The following ZNF282 variants were observed in gnomAD, a reference collection of about 807,000 sequenced individuals.
ZNF282 encodes the protein HTLV-I U5 repressive element-binding protein 1.
In ZNF282, 30 loss-of-function variants were observed where a neutral mutation model predicts 61.9. That is an observed-to-expected ratio of 0.48 (90% CI 0.36 to 0.66). The LOEUF is 0.66. Among genes scored for constraint, ZNF282 ranks in the 30% least tolerant of loss-of-function variants. The probability of loss-of-function intolerance (pLI) is 0.00; values close to 1 mark genes in which losing one functional copy is unlikely to be tolerated. For synonymous variants in ZNF282, 396 were observed against 405.0 expected (o/e 0.98, Z 0.27); for missense variants, 788 against 941.4 (o/e 0.84, Z 2.13).
intron 2 of ZNF282, among the ~76,000 whole-genome samples, chr7:149,202,781 T>C (rs1563175402): frequency 6.6e-6 from 1 of 152,174 alleles, no homozygotes; most frequent in Admixed American, 6.5e-5. Flanking sequence ...TTTGTATTGC[T>C]TTTTTTGTCT....
intron 7 of ZNF282, among the ~76,000 whole-genome samples, chr7:149,221,587 A>G (rs1426297335): frequency 2.0e-5 from 3 of 152,158 alleles, no homozygotes; most frequent in Non-Finnish European, 4.4e-5. Context: ...AAACACCCTC[A>G]GTGCCGTGGC....
chr7:149,195,617 C>T lies in ZNF282; in HGVS notation c.28C>T (p.Pro10Ser). The change falls in exon 1 of 8, where the codon CCT (proline) becomes TCT (serine). Residue 10 changes from proline to serine, a missense_variant. By Grantham distance (74) the Pro-to-Ser change is moderately conservative. Around this residue, in one of 3 missense-constraint regions of ZNF282, gnomAD observed 137 missense variants for 135.4 expected, o/e 1.01. Transcript: ENST00000610704. MQFVSTRPQ[P>S]QQLGIQGLGL... ...GCAGTTTGTGTCAACACGGCCGCAG[C>T]CTCAGCAGCTGGGCATCCAGGGCCT... is the stretch of plus-strand genomic sequence containing the variant. 2 of 1,611,382 alleles carry T rather than the reference C, an allele frequency of 1.2e-6. No homozygotes were observed. The highest frequency in any genetic ancestry group is 1.7e-6 in the Non-Finnish European group (2 of 1,179,074).
chr7:149,219,109 C>T (rs915984319), intron 7 of ZNF282, among the ~76,000 whole-genome samples: 2 of 152,188 alleles, frequency 1.3e-5, no homozygotes, highest in Non-Finnish European at 2.9e-5. Flanking sequence ...CAGCCCCTTT[C>T]CCTCCCTGGA....
At chr7:149,206,941 C>T in intron 3 of ZNF282, 119 bp downstream of exon 3, 1 of 1,379,472 alleles carries the variant, frequency 7.2e-7, no homozygotes, top group South Asian at 1.4e-5. Context: ...AATGGAAACT[C>T]AGGAAACCAT....
intron 2 of ZNF282, among the ~76,000 whole-genome samples, chr7:149,204,457 G>A (rs1220360787): frequency 6.6e-6 from 1 of 152,112 alleles, no homozygotes; most frequent in Non-Finnish European, 1.5e-5. Flanking sequence ...AGCGTGTTGA[G>A]GGAAGGTTTT....
intron 7 of ZNF282, among the ~76,000 whole-genome samples, chr7:149,217,853 A>G (rs1013081346): frequency 1.3e-5 from 2 of 152,142 alleles, no homozygotes; most frequent in African/African-American, 4.8e-5. Context: ...AGGCAGGGCC[A>G]TGGAGGCTTT....
At position 149,224,592 on chromosome 7, in the gene ZNF282, G is replaced by A. The variant is rs1382101961; in HGVS notation, c.1961G>A (p.Gly654Asp). The A allele has an allele frequency of 6.3e-7, 1 of 1,575,920 alleles. No individual in the cohort carries two copies. The highest frequency in any genetic ancestry group is 8.6e-7 in the Non-Finnish European group (1 of 1,165,430). Residue 654 changes from glycine (G) to aspartate (D), a missense_variant, in exon 8 of 8, where the codon GGC (glycine) becomes GAC (aspartate). Physicochemically the swap from Gly to Asp is moderately conservative, Grantham distance 94. Transcript: ENST00000610704. ...SLKDHLRVHSGGPGPGAPRQL... is the reference protein window; with the variant it reads ...SLKDHLRVHSDGPGPGAPRQL... ...AAGGACCACCTGCGCGTGCACAGCG[G>A]CGGCCCGGGCCCCGGCGCCCCACGG...
chr7:149,224,780 A>G lies in ZNF282; in HGVS notation c.*133A>G. On this transcript the variant is annotated 3_prime_UTR_variant, in exon 8 of 8. Coordinates refer to ENST00000610704, the MANE Select transcript of ZNF282 (RefSeq NM_003575.4). ...ATTGCACTCCGGTTGGGGGTCCCCCAGGGTGGGGCAGGGATCCCCCAGATC... is the reference window on the plus strand; with the variant it reads ...ATTGCACTCCGGTTGGGGGTCCCCCGGGGTGGGGCAGGGATCCCCCAGATC... 1.5e-6 allele frequency: 2 copies of G among 1,369,104 alleles called. No homozygotes were observed. The highest frequency in any genetic ancestry group is 1.9e-6 in the Non-Finnish European group (2 of 1,040,120). The allele number at this position is 1,369,104 out of a possible 1,614,324, so 84.8% of individuals were successfully genotyped here. A position where few individuals can be genotyped will look rare whatever the true frequency, so the allele number is the denominator to read the frequency against.
chr7:149,215,288 C>T (rs754857922), intron 7 of ZNF282, among the ~76,000 whole-genome samples: 12 of 151,370 alleles, frequency 7.9e-5, no homozygotes, highest in Admixed American at 2.0e-4. Context: ...CCACAACCTC[C>T]GCCTTCTGGG....
chr7:149,214,101 G>T lies in ZNF282; in HGVS notation c.1180+287G>T, dbSNP rs554109483. Reference sequence around the variant, plus strand: ...TTGAAAGTCCAAAATCAAGGGGTGGGCTGGGCCTTGCTCCAGACTTCCTCT... The same window carrying T: ...TTGAAAGTCCAAAATCAAGGGGTGGTCTGGGCCTTGCTCCAGACTTCCTCT... On this transcript the variant is annotated intron_variant, in intron 7 of 7. Coordinates refer to ENST00000610704, the MANE Select transcript of ZNF282 (RefSeq NM_003575.4). Among the ~76,000 whole-genome samples, 6 of 152,230 alleles carry T rather than the reference G, an allele frequency of 3.9e-5. No individual in the cohort carries two copies. In the South Asian group the frequency reaches 6.2e-4, roughly 16 times the overall value.
Position 149,221,288 on chromosome 7 carries a change from G to A in ZNF282, c.1181-2524G>A, listed in dbSNP as rs146666578. On this transcript the variant is annotated intron_variant, in intron 7 of 7. Coordinates refer to ENST00000610704, the MANE Select transcript of ZNF282 (RefSeq NM_003575.4). ...GAGTTCTCCAGGCAAGCACAACGGC[G>A]GAGCAAAGGCAATCACCGTGCCCTT... 3.9e-4 allele frequency among the ~76,000 whole-genome samples: 60 copies of A among 152,322 alleles called. No individual in the cohort carries two copies. In the East Asian group the frequency reaches 8.1e-3, roughly 21 times the overall value.
At position 149,198,789 on chromosome 7, in the gene ZNF282, G is replaced by T; in HGVS notation, c.585+37G>T. The T allele has an allele frequency of 6.3e-7, 1 of 1,574,910 alleles. No individual in the cohort carries two copies. Among genetic ancestry groups the T allele is most frequent in the Non-Finnish European group, 8.6e-7 (1 of 1,163,726 alleles). On this transcript the variant is annotated intron_variant, in intron 2 of 7. Coordinates refer to ENST00000610704, the MANE Select transcript of ZNF282 (RefSeq NM_003575.4). The surrounding 1 kb of genome is among the most constrained non-coding windows in gnomAD (Gnocchi z 4.3). ...TCCCTGGGGCAGGGATAGAGGTGAG[G>T]AACAGCACAGGTGCATAAAATTCTT...
In ZNF282 at chr7:149,195,688, G is replaced by T; in HGVS notation, c.99G>T (p.Pro33=). Residue 33 remains proline (P), a synonymous_variant, in exon 1 of 8, where the codon CCG becomes CCT. Transcript: ENST00000610704. ...GGAGCTGGGCCCAGGCTCTGCCCCC[G>T]GAGGAGGTCTGCCACCAGGAGCCGG... ...GSWSWAQALP[P]EEVCHQEPAL... is the part of the protein sequence containing the mutation. 2.5e-6 allele frequency: 4 copies of T among 1,577,116 alleles called. No homozygotes were observed. The highest frequency in any genetic ancestry group is 2.6e-6 in the Non-Finnish European group (3 of 1,163,498).
intron 7 of ZNF282, among the ~76,000 whole-genome samples, chr7:149,215,069 G>T (rs1796141637): frequency 6.6e-6 from 1 of 152,086 alleles, no homozygotes; most frequent in South Asian, 2.1e-4. Context: ...CTTAGCTCAG[G>T]CTAATATTCC....
intron 6 of ZNF282, among the ~76,000 whole-genome samples, chr7:149,213,358 C>G (rs970371787): frequency 1.3e-5 from 2 of 152,352 alleles, no homozygotes; most frequent in South Asian, 2.1e-4. Flanking sequence ...TTAGCCATGG[C>G]CCTGAGGGCC....
chr7:149,199,272 C>T (rs752566949), intron 2 of ZNF282, among the ~76,000 whole-genome samples: 1 of 152,164 alleles, frequency 6.6e-6, no homozygotes, highest in Non-Finnish European at 1.5e-5. Context: ...CTCAATGCTG[C>T]TTTTCAGTTC....
chr7:149,205,664 A>G (rs1416977932), intron 2 of ZNF282, among the ~76,000 whole-genome samples: 1 of 152,160 alleles, frequency 6.6e-6, no homozygotes, highest in Non-Finnish European at 1.5e-5. Flanking sequence ...ACCTGGTAAA[A>G]GGGCTGACAT....
chr7:149,196,012 C>G (rs1444214719), intron 1 of ZNF282, among the ~76,000 whole-genome samples: 3 of 151,334 alleles, frequency 2.0e-5, no homozygotes, highest in Non-Finnish European at 4.4e-5. Flanking sequence ...TGCGGAGGCC[C>G]CGCGGGGCGG....
intron 4 of ZNF282, among the ~76,000 whole-genome samples, chr7:149,209,705 C>CTTCAACAA (rs1446738082): frequency 6.6e-6 from 1 of 152,104 alleles, no homozygotes; most frequent in Admixed American, 6.5e-5. Flanking sequence ...GGCAGGATCC[C>CTTCAACAA]AGTCTTCAGA....
Sources: allele counts gnomAD v4.1 joint callset (sites outside exome capture counted in the v4.1 genomes callset), GRCh38; gene constraint gnomAD v4.1.1; regional missense constraint gnomAD v4.1.1; non-coding constraint Gnocchi (gnomAD v3.1); transcripts MANE v1.5; gene names NCBI Gene and HGNC (gene_info 2026-07-23, HGNC 2026-07-21).